DOCK4: variants seen among roughly 807,000 people sequenced by gnomAD.
DOCK4 encodes dedicator of cytokinesis 4, also known as dedicator of cytokinesis protein 4.
In DOCK4, 97 loss-of-function variants were observed where a neutral mutation model predicts 268.1. The ratio of observed to expected loss-of-function variants is 0.36; its 90% CI spans 0.31 to 0.43. The LOEUF (loss-of-function observed/expected upper bound fraction) is 0.43. Ranked by LOEUF, DOCK4 falls within the 20% of genes least tolerant of loss-of-function variation. The pLI, the probability that DOCK4 is intolerant of heterozygous loss-of-function variation, is 1.00. For missense variants in DOCK4, 2,145 were observed against 2,455.7 expected (o/e 0.87, Z 2.67); for synonymous variants, 954 against 887.2 (o/e 1.08, Z -1.34).
chr7:111,775,099 C>T (rs914579187), intron 36 of DOCK4, among the ~76,000 whole-genome samples: 3 of 152,178 alleles, frequency 2.0e-5, no homozygotes, highest in Non-Finnish European at 4.4e-5. Context: ...TGAAAGATTT[C>T]TAGGCAACAG....
intron 1 of DOCK4, among the ~76,000 whole-genome samples, chr7:112,013,732 G>A (rs1394868671): frequency 6.6e-6 from 1 of 152,190 alleles, no homozygotes; most frequent in South Asian, 2.1e-4. Flanking sequence ...AAGTCACAGG[G>A]GTTACAACTG....
intron 1 of DOCK4, among the ~76,000 whole-genome samples, chr7:112,055,909 T>TA (rs1230725517): frequency 2.8e-3 from 342 of 123,274 alleles, no homozygotes; most frequent in African/African-American, 3.0e-3. Context: ...AGATTCTGTC[T>TA]AAAAAAAAAA....
chr7:111,871,952 A>G, intron 20 of DOCK4, 38 bp downstream of exon 20: 1 of 1,466,628 alleles, frequency 6.8e-7, no homozygotes, highest in South Asian at 1.3e-5. Flanking sequence ...GCTTGAAAGG[A>G]ACCACTTCTA....
chr7:111,758,935 G>A, intron 40 of DOCK4, 145 bp from the exon 41 acceptor site: 1 of 728,298 alleles, frequency 1.4e-6, no homozygotes, highest in Admixed American at 2.9e-5. Context: ...TTACCAAGAA[G>A]ACGCCAGGAA....
chr7:112,075,384 TTTG>T (rs1186896990), intron 1 of DOCK4, among the ~76,000 whole-genome samples: 21 of 152,308 alleles, frequency 1.4e-4, no homozygotes, highest in South Asian at 6.2e-4. Context: ...AATTCCCTGC[TTTG>T]GATGGTGCCA....
At chr7:111,741,682 A>G (rs916636320) in intron 45 of DOCK4, 21 bp from the exon 46 acceptor site, 9 of 1,610,170 alleles carry the variant, frequency 5.6e-6, no homozygotes, top group Admixed American at 1.7e-5. Context: ...AGTAAAGGAA[A>G]TATCTCATTA....
At chr7:112,120,064 G>C (rs925452999) in intron 1 of DOCK4, among the ~76,000 whole-genome samples, 1 of 152,034 alleles carries the variant, frequency 6.6e-6, no homozygotes, top group Non-Finnish European at 1.5e-5. Flanking sequence ...AGCCAGGATG[G>C]TCTCGATCTC....
chr7:111,939,040 A>G (rs1278959162), intron 11 of DOCK4, among the ~76,000 whole-genome samples: 1 of 151,536 alleles, frequency 6.6e-6, no homozygotes, highest in Non-Finnish European at 1.5e-5. Context: ...ACACCATGTG[A>G]AGATGAAGGC....
intron 1 of DOCK4, among the ~76,000 whole-genome samples, chr7:112,074,787 C>A (rs543673245): frequency 6.6e-6 from 1 of 152,288 alleles, no homozygotes; most frequent in African/African-American, 2.4e-5. Context: ...GCTGGCCAAC[C>A]CTCCTTAAAG....
intron 1 of DOCK4, among the ~76,000 whole-genome samples, chr7:112,173,473 C>A: frequency 6.6e-6 from 1 of 152,050 alleles, no homozygotes; most frequent in Non-Finnish European, 1.5e-5. Flanking sequence ...CCTAAGGAAT[C>A]ATTTCCTAAA....
chr7:111,791,100 A>ATATATATATATATATAT (rs67130458), intron 30 of DOCK4, among the ~76,000 whole-genome samples: 1 of 124,208 alleles, frequency 8.1e-6, no homozygotes, highest in African/African-American at 3.0e-5. Context: ...ATATATATAT[A>ATATATATATATATATAT]AAATAAATCA....
chr7:111,935,686 C>T lies in DOCK4; in HGVS notation c.978-58G>A. On this transcript the variant is annotated intron_variant, in intron 11 of 52. Transcript: ENST00000428084. ...ATGATGCATGCAGTCAAGCAGTGATCCTCATAGTACATCTGCCCTTTTCGT... is the reference window on the plus strand; with the variant it reads ...ATGATGCATGCAGTCAAGCAGTGATTCTCATAGTACATCTGCCCTTTTCGT... 4.9e-6 allele frequency: 7 copies of T among 1,430,348 alleles called. No individual in the cohort carries two copies. The Admixed American group carries it at 1.2e-4, about 24-fold the overall frequency. The allele number at this position is 1,430,348 out of a possible 1,614,324, so 88.6% of individuals were successfully genotyped here.
chr7:111,956,171 C>G (rs778224131), intron 8 of DOCK4, among the ~76,000 whole-genome samples: 2 of 152,148 alleles, frequency 1.3e-5, no homozygotes, highest in African/African-American at 4.8e-5. Context: ...AAGAATCACT[C>G]TGATCTATAT....
chr7:112,010,765 T>C lies in DOCK4; in HGVS notation c.38-6634A>G, dbSNP rs188820088. Among the ~76,000 whole-genome samples the C allele has an allele frequency of 2.5e-3, 379 of 152,342 alleles. 2 individuals carry two copies. The highest frequency in any genetic ancestry group is 8.9e-3 in the African/African-American group (369 of 41,584). Reference sequence around the variant, plus strand: ...TGAGACATGTCACGCAACTCTCTTCTGGCCTATGTGACTTTGAAAAATCAG... The same window carrying C: ...TGAGACATGTCACGCAACTCTCTTCCGGCCTATGTGACTTTGAAAAATCAG... On this transcript the variant is annotated intron_variant, in intron 1 of 52. Coordinates refer to ENST00000428084, the MANE Select transcript of DOCK4 (RefSeq NM_001363540.2).
rs566816422 is a variant in DOCK4, at chr7:111,840,431, C to T, written c.2736+4332G>A. Reference sequence around the variant, plus strand: ...TAAGGAACTCTGGAGCTCCATTAGTCGAGAATGCAAGGCAAGTGGTCATTC... The same window carrying T: ...TAAGGAACTCTGGAGCTCCATTAGTTGAGAATGCAAGGCAAGTGGTCATTC... On this transcript the variant is annotated intron_variant, in intron 25 of 52. Transcript: ENST00000428084. Among the ~76,000 whole-genome samples the T allele has an allele frequency of 2.0e-5, 3 of 152,098 alleles. No individual in the cohort carries two copies. In the East Asian group the frequency reaches 5.8e-4, roughly 29 times the overall value.
chr7:112,144,020 G>C (rs1815186086), intron 1 of DOCK4, among the ~76,000 whole-genome samples: 1 of 152,244 alleles, frequency 6.6e-6, no homozygotes. Flanking sequence ...AGTGGAAAGA[G>C]TATGGGGCTT....
intron 1 of DOCK4, among the ~76,000 whole-genome samples, chr7:112,102,799 A>C (rs912830222): frequency 2.6e-5 from 4 of 152,240 alleles, no homozygotes; most frequent in African/African-American, 9.6e-5. Context: ...AATGAACTAC[A>C]GCAGGTACCT....
At chr7:112,133,590 G>A (rs910440038) in intron 1 of DOCK4, among the ~76,000 whole-genome samples, 5 of 152,130 alleles carry the variant, frequency 3.3e-5, no homozygotes, top group Admixed American at 6.5e-5. Context: ...GCATGGTGGC[G>A]TGCACCTGTA....
intron 1 of DOCK4, among the ~76,000 whole-genome samples, chr7:112,032,379 C>G (rs930537259): frequency 6.6e-6 from 1 of 152,180 alleles, no homozygotes; most frequent in East Asian, 1.9e-4. Flanking sequence ...CTATCAACTA[C>G]AAATTAAGAA....
Sources: allele counts gnomAD v4.1 joint callset (sites outside exome capture counted in the v4.1 genomes callset), GRCh38; gene constraint gnomAD v4.1.1; transcripts MANE v1.5; gene names NCBI Gene and HGNC (gene_info 2026-07-23, HGNC 2026-07-21).